The following MTA3 variants were observed in gnomAD, a reference collection of about 807,000 sequenced individuals.
MTA3 encodes the protein metastasis-associated protein MTA3.
Under a neutral mutation model 83.5 loss-of-function variants are expected in MTA3, and 34 were observed. That is an observed-to-expected ratio of 0.41 (90% CI 0.31 to 0.54). The LOEUF (loss-of-function observed/expected upper bound fraction) is 0.54, where lower values mean the gene tolerates loss of function less well. Ranked by LOEUF, MTA3 falls within the 20% of genes least tolerant of loss-of-function variation. MTA3 has a pLI of 0.33. For missense variants in MTA3, 761 were observed against 726.4 expected (o/e 1.05, Z -0.55); for synonymous variants, 303 against 252.7 (o/e 1.20, Z -1.89).
At chr2:42,544,827 C>T (rs546354005) in intron 2 of MTA3, among the ~76,000 whole-genome samples, 9 of 152,242 alleles carry the variant, frequency 5.9e-5, no homozygotes, top group African/African-American at 2.2e-4. Context: ...ATATGGCTTT[C>T]AGTTACAAGG....
At chr2:42,529,591 G>T (rs1048442887) in intron 2 of MTA3, among the ~76,000 whole-genome samples, 3 of 152,224 alleles carry the variant, frequency 2.0e-5, no homozygotes, top group African/African-American at 7.2e-5. Flanking sequence ...CTCCTCAGGT[G>T]ATTGTGCCTC....
intron 4 of MTA3, among the ~76,000 whole-genome samples, chr2:42,628,206 T>TTTATTTA (rs1686312386): frequency 7.0e-6 from 1 of 142,522 alleles, no homozygotes; most frequent in Non-Finnish European, 1.5e-5. Context: ...CTTCTTATCG[T>TTTATTTA]TTTATTTATT....
chr2:42,641,119 C>T (rs1260047335), intron 5 of MTA3, among the ~76,000 whole-genome samples: 1 of 151,500 alleles, frequency 6.6e-6, no homozygotes, highest in African/African-American at 2.4e-5. Context: ...GTTTGCTAGG[C>T]TGGTCTTCAA....
At chr2:42,717,600 T>A (rs1667117888) in intron 14 of MTA3, among the ~76,000 whole-genome samples, 1 of 152,234 alleles carries the variant, frequency 6.6e-6, no homozygotes. Flanking sequence ...GATTAGCTAA[T>A]ACCCATCCTC....
intron 16 of MTA3, chr2:42,752,195 C>A (rs778374841): frequency 2.1e-6 from 1 of 471,330 alleles, no homozygotes; most frequent in Non-Finnish European, 4.4e-6. Context: ...GAGCTCATAT[C>A]AAATACCAAG....
intron 6 of MTA3, among the ~76,000 whole-genome samples, chr2:42,649,952 T>C (rs1333217407): frequency 6.6e-6 from 1 of 152,214 alleles, no homozygotes; most frequent in Non-Finnish European, 1.5e-5. Context: ...TTTAACTGTT[T>C]TATTATGATT....
At chr2:42,558,724 T>C (rs948539746) in intron 2 of MTA3, among the ~76,000 whole-genome samples, 2 of 151,736 alleles carry the variant, frequency 1.3e-5, no homozygotes, top group Non-Finnish European at 2.9e-5. Context: ...TTTTTTTTTT[T>C]TCCATATTTT....
At chr2:42,648,098 C>T (rs947013257) in intron 6 of MTA3, among the ~76,000 whole-genome samples, 3 of 152,220 alleles carry the variant, frequency 2.0e-5, no homozygotes, top group African/African-American at 7.2e-5. Context: ...GCCTTGGCCT[C>T]CCAAGGTGCT....
intron 16 of MTA3, among the ~76,000 whole-genome samples, chr2:42,738,636 A>T (rs1285698922): frequency 6.6e-6 from 1 of 152,234 alleles, no homozygotes; most frequent in East Asian, 1.9e-4. Flanking sequence ...AGTAAGAGAG[A>T]TAACCTTAAA....
At chr2:42,561,999 G>T (rs1256531495) in intron 2 of MTA3, among the ~76,000 whole-genome samples, 2 of 152,130 alleles carry the variant, frequency 1.3e-5, no homozygotes, top group Admixed American at 1.3e-4. Context: ...TGTCAGTAGG[G>T]TTAGTCCTGG....
At chr2:42,727,360 T>C (rs1457010469) in intron 16 of MTA3, among the ~76,000 whole-genome samples, 2 of 152,200 alleles carry the variant, frequency 1.3e-5, no homozygotes, top group Non-Finnish European at 2.9e-5. Context: ...AGGATGTCGG[T>C]CCAGCAGTGT....
At chr2:42,740,481 G>C (rs765417795) in intron 16 of MTA3, among the ~76,000 whole-genome samples, 27 of 152,288 alleles carry the variant, frequency 1.8e-4, no homozygotes, top group Non-Finnish European at 1.5e-5. Context: ...CTCCAGCCTG[G>C]GTGACAAAGC....
At chr2:42,700,416 A>G (rs981042613) in intron 11 of MTA3, among the ~76,000 whole-genome samples, 1 of 152,162 alleles carries the variant, frequency 6.6e-6, no homozygotes, top group African/African-American at 2.4e-5. Flanking sequence ...TCACATGTCT[A>G]TATGCAGTCT....
At chr2:42,577,027 G>A (rs1247920435) in intron 2 of MTA3, among the ~76,000 whole-genome samples, 1 of 146,950 alleles carries the variant, frequency 6.8e-6, no homozygotes, top group Non-Finnish European at 1.5e-5. Context: ...CAGGGAGTTG[G>A]AGGTTGCAGT....
At chr2:42,658,315 T>C (rs1689357483) in intron 7 of MTA3, among the ~76,000 whole-genome samples, 1 of 152,048 alleles carries the variant, frequency 6.6e-6, no homozygotes, top group African/African-American at 2.4e-5. Context: ...CTCCTAAATA[T>C]CTATGCAGCA....
chr2:42,741,889 G>A (rs1050681188), intron 16 of MTA3, among the ~76,000 whole-genome samples: 3 of 152,150 alleles, frequency 2.0e-5, no homozygotes, highest in Admixed American at 2.0e-4. Flanking sequence ...AGGTGAGCAC[G>A]TGCTGCTGGA....
rs556708174 is a variant in MTA3 at position 42,507,488 on chromosome 2, T to C, written c.-141+12234T>C. ...CTGAGAATAAGATTTCTGAAAAAGA[T>C]ACATAAAATAGTTATGAGTGGTTAT... On this transcript the variant is annotated intron_variant, in intron 2 of 17. Coordinates refer to the MTA3 transcript ENST00000405592. Among the ~76,000 whole-genome samples the C allele has an allele frequency of 2.6e-5, 4 of 152,212 alleles. No homozygotes were observed. In the East Asian group the frequency reaches 7.7e-4, roughly 29 times the overall value.
At chr2:42,545,965 A>G (rs1046359290) in intron 2 of MTA3, among the ~76,000 whole-genome samples, 2 of 152,216 alleles carry the variant, frequency 1.3e-5, no homozygotes, top group African/African-American at 4.8e-5. Flanking sequence ...AAAGATTTCA[A>G]GAAATGAAAG....
At chr2:42,554,695 C>G (rs1162181133) in intron 2 of MTA3, among the ~76,000 whole-genome samples, 1 of 152,142 alleles carries the variant, frequency 6.6e-6, no homozygotes, top group Non-Finnish European at 1.5e-5. Flanking sequence ...TTCCTCAAAT[C>G]TGGAGGGTGG....
Sources: allele counts gnomAD v4.1 joint callset (sites outside exome capture counted in the v4.1 genomes callset), GRCh38; gene constraint gnomAD v4.1.1; transcripts MANE v1.5; gene names NCBI Gene and HGNC (gene_info 2026-07-23, HGNC 2026-07-21).